Variants in FASN observed in about 807,000 individuals in gnomAD.
The protein encoded by FASN is fatty acid synthase, also known as 3-hydroxyacyl-[acyl-carrier-protein] dehydratase.
FASN carries 50 observed loss-of-function variants against 250.0 expected under a neutral mutation model. The observed-to-expected ratio is 0.20, with a 90% confidence interval of 0.16 to 0.25. FASN has a LOEUF of 0.25. Among genes scored for constraint, FASN ranks in the 10% least tolerant of loss-of-function variants. The probability of loss-of-function intolerance (pLI) is 1.00; values close to 1 mark genes in which losing one functional copy is unlikely to be tolerated. For missense variants in FASN, 3,031 were observed against 3,498.5 expected, an observed-to-expected ratio of 0.87 and a Z score of 3.37; for synonymous variants, 1,909 against 1,584.0, an observed-to-expected ratio of 1.21 and a Z score of -4.87.
In FASN at chr17:82,084,784, G is replaced by A. The variant is rs2144788638; in HGVS notation, c.4564+15C>T. 1 of 1,550,128 alleles carries A rather than the reference G, an allele frequency of 6.5e-7. No homozygotes were observed. The highest frequency in any genetic ancestry group is 2.4e-5 in the East Asian group (1 of 40,898). The stretch of plus-strand genomic sequence containing the variant: ...GCAGTCTCCCGGGAGGGGCAGGGCA[G>A]TGTCGGGGGCTCACCCTCCTCCAGC... On this transcript the variant is annotated intron_variant, in intron 26 of 42. Coordinates refer to ENST00000306749, the MANE Select transcript of FASN (RefSeq NM_004104.5).
chr17:82,092,805 G>A lies in FASN; in HGVS notation c.786C>T (p.Thr262=), dbSNP rs575698425. ...NTDGFKEQGV[T]FPSGDIQEQL... ...GCTCCTGGATATCCCCTGAGGGGAA[G>A]GTCACGCCTGCGGAGGGCTCGGCTC... Residue 262 remains threonine, a synonymous_variant, in exon 7 of 43, where the codon ACC becomes ACT. Coordinates refer to ENST00000306749, the MANE Select transcript of FASN (RefSeq NM_004104.5). The A allele has an allele frequency of 3.8e-6, 6 of 1,597,904 alleles. 1 individual carries two copies. The South Asian group carries it at 6.8e-5, about 18-fold the overall frequency.
At chr17:82,096,697 G>A in intron 1 of FASN, 2 of 561,998 alleles carry the variant, frequency 3.6e-6, no homozygotes, top group South Asian at 1.9e-5. Flanking sequence ...ATTCAGTTCA[G>A]GGTATTGGCT....
At position 82,087,331 on chromosome 17, in the gene FASN, C is replaced by A. The variant is rs369190857; in HGVS notation, c.3217G>T (p.Ala1073Ser). ...GGGGCTGGGGCGGGGCTACCTTGGG[C>A]CTTGTCCTGCAGTGTGTACAGCTTC... ...RQKLYTLQDK[A>S]QVADVVVSRW... is the part of the protein sequence containing the mutation. Residue 1073 changes from alanine to serine, a missense_variant, in exon 20 of 43, where the codon GCC (alanine) becomes TCC (serine). By Grantham distance (99) the Ala-to-Ser change is moderately conservative. Transcript: ENST00000306749. The A allele has an allele frequency of 7.1e-5, 114 of 1,611,254 alleles. No individual in the cohort carries two copies. The highest frequency in any genetic ancestry group is 9.5e-5 in the Non-Finnish European group (112 of 1,179,570).
chr17:82,085,439 C>T (rs1200440615), intron 23 of FASN, 37 bp from the exon 24 acceptor site: 2 of 1,596,876 alleles, frequency 1.3e-6, no homozygotes, highest in Admixed American at 3.4e-5. Context: ...CCCGCCTGGC[C>T]CTCACCCGGC....
chr17:82,084,773 G>C (rs377389633), intron 26 of FASN, 26 bp downstream of exon 26: 1 of 1,550,272 alleles, frequency 6.5e-7, no homozygotes, highest in Non-Finnish European at 8.7e-7. Context: ...TCTCCCGGGA[G>C]GGGCAGGGCA....
At chr17:82,091,162 T>A in intron 9 of FASN, 60 bp downstream of exon 9, 1 of 1,598,850 alleles carries the variant, frequency 6.3e-7, no homozygotes, top group Non-Finnish European at 8.5e-7. Flanking sequence ...GACCACCAGC[T>A]CCAGTTCGCC....
In FASN at chr17:82,082,346, G is replaced by A. The variant is rs1248841031; in HGVS notation, c.5988C>T (p.Tyr1996=). 1.2e-6 allele frequency: 2 copies of A among 1,612,726 alleles called. No individual in the cohort carries two copies. Among genetic ancestry groups the A allele is most frequent in the African/African-American group, 1.3e-5 (1 of 74,936 alleles). ...EFFQDVCKPK[Y]SGTLNLDRVT... ...ACCTGTCCAGGTTCAGGGTGCCGCTGTACTTGGGCTTGCAGACGTCCTGGA... is the reference window on the plus strand; with the variant it reads ...ACCTGTCCAGGTTCAGGGTGCCGCTATACTTGGGCTTGCAGACGTCCTGGA... Residue 1996 remains tyrosine (Y), a synonymous_variant, in exon 35 of 43, where the codon TAC becomes TAT. Coordinates refer to ENST00000306749, the MANE Select transcript of FASN (RefSeq NM_004104.5).
At position 82,080,132 on chromosome 17, in the gene FASN, G is replaced by A. The variant is rs1190862588; in HGVS notation, c.7146+8C>T. The A allele has an allele frequency of 6.2e-7, 1 of 1,611,902 alleles. No homozygotes were observed. On this transcript the variant is annotated splice_region_variant and intron_variant, in intron 41 of 42. Transcript: ENST00000306749. ...GGTCCTGCGGCCTCAGGGGTGTCCAGGACCCACCCTGTTGTGCTCCATGTC... is the reference window on the plus strand; with the variant it reads ...GGTCCTGCGGCCTCAGGGGTGTCCAAGACCCACCCTGTTGTGCTCCATGTC...
rs2033932239 is a variant in FASN at position 82,078,621 on chromosome 17, G to C, written c.*522C>G. On this transcript the variant is annotated 3_prime_UTR_variant, in exon 43 of 43. Coordinates refer to ENST00000306749, the MANE Select transcript of FASN (RefSeq NM_004104.5). The surrounding 1 kb of genome is among the most constrained non-coding windows in gnomAD (Gnocchi z 5.4). ...CCTGTGCAGGGGCCCAGCTCCTCGG[G>C]GACTGGCCCACGACCCCCCACTCAG... The C allele has an allele frequency of 5.1e-6, 1 of 195,746 alleles. No individual in the cohort carries two copies. 12.1% of individuals were successfully genotyped at this position (195,746 alleles called of 1,614,324 possible).
At position 82,084,958 on chromosome 17, in the gene FASN, G is replaced by A; in HGVS notation, c.4410-5C>T. On this transcript the variant is annotated splice_region_variant and splice_polypyrimidine_tract_variant and intron_variant, in intron 25 of 42. Coordinates refer to ENST00000306749, the MANE Select transcript of FASN (RefSeq NM_004104.5). Reference sequence around the variant, plus strand: ...AGGTTGGAGAGCAGCACACACCTGGGGGCAGAGGCGGGGAGCTCAGGCTGG... The same window carrying A: ...AGGTTGGAGAGCAGCACACACCTGGAGGCAGAGGCGGGGAGCTCAGGCTGG... 1 of 1,562,548 alleles carries A rather than the reference G, an allele frequency of 6.4e-7. No individual in the cohort carries two copies. The highest frequency in any genetic ancestry group is 1.2e-5 in the South Asian group (1 of 85,482).
Position 82,089,392 on chromosome 17 carries a change from T to A in FASN, c.1966-8A>T. Reference sequence around the variant, plus strand: ...GAACTCAAACACCGGGGCCTGGACATCGTGGGAGCCTGGATAAGCATCCTG... The same window carrying A: ...GAACTCAAACACCGGGGCCTGGACAACGTGGGAGCCTGGATAAGCATCCTG... On this transcript the variant is annotated splice_region_variant and splice_polypyrimidine_tract_variant and intron_variant, in intron 12 of 42. Coordinates refer to ENST00000306749, the MANE Select transcript of FASN (RefSeq NM_004104.5). 1 of 1,612,674 alleles carries A rather than the reference T, an allele frequency of 6.2e-7. No individual in the cohort carries two copies.
Position 82,092,831 on chromosome 17 carries a change from A to G in FASN, c.779-19T>C, listed in dbSNP as rs1377320051. ...GTCACGCCTGCGGAGGGCTCGGCTC[A>G]GTGCTGCAGCCCCAGCCCCGGCTCC... On this transcript the variant is annotated intron_variant, in intron 6 of 42. Coordinates refer to ENST00000306749, the MANE Select transcript of FASN (RefSeq NM_004104.5). The G allele has an allele frequency of 1.3e-6, 2 of 1,586,486 alleles. No individual in the cohort carries two copies. The highest frequency in any genetic ancestry group is 1.8e-5 in the Admixed American group (1 of 56,500).
At position 82,081,281 on chromosome 17, in the gene FASN, C is replaced by G; in HGVS notation, c.6478G>C (p.Val2160Leu). ...ADLGLDSLMS[V>L]EVRQTLEREL... ...CGCTCCAGCGTCTGGCGCACCTCCA[C>G]GCTCATGAGCGAGTCCAGGCCCAGG... Residue 2160 changes from valine to leucine, a missense_variant, in exon 38 of 43, where the codon GTG (valine) becomes CTG (leucine). Physicochemically the swap from Val to Leu is conservative, Grantham distance 32. Transcript: ENST00000306749. 1 of 1,563,040 alleles carries G rather than the reference C, an allele frequency of 6.4e-7. No individual in the cohort carries two copies. The highest frequency in any genetic ancestry group is 8.7e-7 in the Non-Finnish European group (1 of 1,153,864).
chr17:82,083,963 G>A lies in FASN; in HGVS notation c.5098+12C>T, dbSNP rs1227376357. 2 of 1,542,802 alleles carry A rather than the reference G, an allele frequency of 1.3e-6. No homozygotes were observed. The highest frequency in any genetic ancestry group is 1.7e-6 in the Non-Finnish European group (2 of 1,146,244). ...AGGAGGGCAGCGGGAGGCACCGGGG[G>A]CGGGGCCTTACCCACGGTGGTGAAG... On this transcript the variant is annotated intron_variant, in intron 29 of 42. Coordinates refer to ENST00000306749, the MANE Select transcript of FASN (RefSeq NM_004104.5).
chr17:82,079,998 G>A (rs911134616), intron 41 of FASN, 142 bp downstream of exon 41: 21 of 934,146 alleles, frequency 2.2e-5, no homozygotes, highest in South Asian at 1.6e-4. Flanking sequence ...ATGAGCAACC[G>A]CATCCGGCCG....
chr17:82,080,058 G>A (rs558098496), intron 41 of FASN, 82 bp downstream of exon 41: 26 of 1,432,264 alleles, frequency 1.8e-5, no homozygotes, highest in South Asian at 4.6e-5. Context: ...CGCTCTTCGC[G>A]TCCCATCCCA....
chr17:82,090,094 C>T (rs72863340), intron 11 of FASN, among the ~76,000 whole-genome samples: 19,725 of 152,270 alleles, frequency 0.13, 1,712 homozygotes, highest in Non-Finnish European at 0.2. Flanking sequence ...TTCACCAGAG[C>T]CCCTGGGTTC....
intron 40 of FASN, 42 bp from the exon 41 acceptor site, chr17:82,080,280 G>A (rs757878543): frequency 1.9e-6 from 3 of 1,611,740 alleles, no homozygotes; most frequent in Admixed American, 3.3e-5. Flanking sequence ...GAAGGGGCGG[G>A]GCCTCCTAAG....
Position 82,079,589 on chromosome 17 carries a change from G to T in FASN, c.7166C>A (p.Pro2389Gln). 2 of 1,601,360 alleles carry T rather than the reference G, an allele frequency of 1.2e-6. No homozygotes were observed. The highest frequency in any genetic ancestry group is 1.7e-6 in the Non-Finnish European group (2 of 1,179,770). ...EHNRVLEALLPLKGLEERVAA... is the reference protein window; with the variant it reads ...EHNRVLEALLQLKGLEERVAA... The stretch of plus-strand genomic sequence containing the variant: ...CACACGCTCCTCTAGGCCCTTCAGC[G>T]GCAGCAGCGCCTCCAGCACCTGTGG... Residue 2389 changes from proline to glutamine, a missense_variant, in exon 42 of 43, where the codon CCG (proline) becomes CAG (glutamine). Transcript: ENST00000306749.
Sources: allele counts gnomAD v4.1 joint callset (sites outside exome capture counted in the v4.1 genomes callset), GRCh38; gene constraint gnomAD v4.1.1; non-coding constraint Gnocchi (gnomAD v3.1); transcripts MANE v1.5; gene names NCBI Gene and HGNC (gene_info 2026-07-23, HGNC 2026-07-21).